The following NRXN3 variants were observed in gnomAD, a reference collection of about 807,000 sequenced individuals.
The protein encoded by NRXN3 is neurexin III.
In NRXN3, 32 loss-of-function variants were observed where a neutral mutation model predicts 137.6. The observed-to-expected ratio is 0.23, with a 90% CI of 0.18 to 0.31. The LOEUF is 0.31. Ranked by LOEUF, NRXN3 falls within the 10% of genes least tolerant of loss-of-function variation. NRXN3 has a pLI of 1.00. For synonymous variants in NRXN3, 798 were observed against 784.5 expected, an observed-to-expected ratio of 1.02 and a Z score of -0.29; for missense variants, 1,574 against 2,062.5, an observed-to-expected ratio of 0.76 and a Z score of 4.59.
rs559408418 is a variant in NRXN3 at position 78,216,622 on chromosome 14, A to G, written c.-703-25769A>G. Among the ~76,000 whole-genome samples the G allele has an allele frequency of 2.0e-5, 3 of 152,338 alleles. No individual in the cohort carries two copies. The South Asian group carries it at 6.2e-4, about 32-fold the overall frequency. On this transcript the variant is annotated intron_variant, in intron 1 of 20. Coordinates refer to ENST00000335750, the MANE Select transcript of NRXN3 (RefSeq NM_001330195.2). Reference sequence around the variant, plus strand: ...AGAATGAAGACCTCCCCAGCAATGCAGCGAGTTTGAAAAGGAGCATAGCTT... The same window carrying G: ...AGAATGAAGACCTCCCCAGCAATGCGGCGAGTTTGAAAAGGAGCATAGCTT...
At chr14:78,986,886 A>C (rs2153064248) in intron 14 of NRXN3, among the ~76,000 whole-genome samples, 1 of 151,898 alleles carries the variant, frequency 6.6e-6, no homozygotes, top group Non-Finnish European at 1.5e-5. Flanking sequence ...AGCTGAGTGT[A>C]GTGGCGTGTG....
chr14:78,418,309 A>G (rs1306589832), intron 4 of NRXN3, among the ~76,000 whole-genome samples: 1 of 152,090 alleles, frequency 6.6e-6, no homozygotes, highest in African/African-American at 2.4e-5. Flanking sequence ...TATTTCATTT[A>G]TGTTGGTGGA....
At chr14:78,752,974 C>T (rs1194597276) in intron 8 of NRXN3, among the ~76,000 whole-genome samples, 1 of 152,176 alleles carries the variant, frequency 6.6e-6, no homozygotes, top group Admixed American at 6.5e-5. Flanking sequence ...ACGCACACTG[C>T]AGGCTGAGGG....
chr14:79,023,804 C>T (rs1220434568), intron 15 of NRXN3, among the ~76,000 whole-genome samples: 2 of 152,106 alleles, frequency 1.3e-5, no homozygotes, highest in East Asian at 1.9e-4. Context: ...TCAGTTACCT[C>T]CCATCAGGTT....
intron 19 of NRXN3, among the ~76,000 whole-genome samples, chr14:79,718,702 A>G (rs17764475): frequency 0.11 from 17,161 of 152,184 alleles, 1,053 homozygotes; most frequent in Middle Eastern, 0.25. Flanking sequence ...AAGCCCTAAT[A>G]TCTTGCTGAT....
chr14:78,557,788 A>C (rs995024677), intron 4 of NRXN3, among the ~76,000 whole-genome samples: 1 of 152,242 alleles, frequency 6.6e-6, no homozygotes, highest in South Asian at 2.1e-4. Context: ...TCTACACTCC[A>C]GATACTTGTT....
intron 17 of NRXN3, among the ~76,000 whole-genome samples, chr14:79,689,101 T>C (rs1305600687): frequency 6.6e-6 from 1 of 152,008 alleles, no homozygotes; most frequent in Non-Finnish European, 1.5e-5. Flanking sequence ...CTTTTAATGA[T>C]ATTATGATGT....
rs1047354745 is a variant in NRXN3, at chr14:79,639,140, G to GA, written c.3445-24630dup. Among the ~76,000 whole-genome samples the GA allele has an allele frequency of 4.6e-5, 7 of 151,514 alleles. 1 individual carries two copies. The highest frequency in any genetic ancestry group is 4.2e-4 in the South Asian group (2 of 4,792). ...TGTGCACACATCCAAAGAGATAACAGAAAAAAAATCCATTTGAAATGCTTA... is the reference window on the plus strand; with the variant it reads ...TGTGCACACATCCAAAGAGATAACAGAAAAAAAAATCCATTTGAAATGCTTA... On this transcript the variant is annotated intron_variant, in intron 16 of 20. Transcript: ENST00000335750.
At chr14:78,692,807 G>A (rs759155167) in intron 6 of NRXN3, among the ~76,000 whole-genome samples, 7 of 149,602 alleles carry the variant, frequency 4.7e-5, no homozygotes, top group Non-Finnish European at 6.0e-5. Context: ...CAGGCCAGGC[G>A]CAGTGGCTCA....
At chr14:79,432,836 A>T (rs2095786026) in intron 15 of NRXN3, among the ~76,000 whole-genome samples, 1 of 152,164 alleles carries the variant, frequency 6.6e-6, no homozygotes, top group African/African-American at 2.4e-5. Context: ...CGTGTTACTG[A>T]GATGCAGACA....
intron 14 of NRXN3, among the ~76,000 whole-genome samples, chr14:78,980,914 T>G (rs1460714357): frequency 6.6e-6 from 1 of 152,220 alleles, no homozygotes; most frequent in Non-Finnish European, 1.5e-5. Flanking sequence ...GTTATTCACA[T>G]ATCAAGAGCA....
intron 15 of NRXN3, among the ~76,000 whole-genome samples, chr14:79,116,712 G>A (rs570455878): frequency 6.6e-6 from 1 of 152,298 alleles, no homozygotes; most frequent in South Asian, 2.1e-4. Context: ...GGGCAGTGAT[G>A]CCAGGAAGTC....
At chr14:78,873,252 T>C (rs1179053069) in intron 10 of NRXN3, among the ~76,000 whole-genome samples, 1 of 152,200 alleles carries the variant, frequency 6.6e-6, no homozygotes, top group African/African-American at 2.4e-5. Flanking sequence ...TGTTGACATT[T>C]CTCCTCTGCT....
intron 15 of NRXN3, among the ~76,000 whole-genome samples, chr14:79,443,537 T>C (rs1302453306): frequency 6.6e-6 from 1 of 152,120 alleles, no homozygotes; most frequent in Non-Finnish European, 1.5e-5. Flanking sequence ...TGAGAGAGAA[T>C]AGAGAAATTA....
intron 4 of NRXN3, among the ~76,000 whole-genome samples, chr14:78,446,497 T>C (rs2094424267): frequency 6.6e-6 from 1 of 152,198 alleles, no homozygotes; most frequent in Non-Finnish European, 1.5e-5. Context: ...CTTGCTATTA[T>C]AGTTAAAGTT....
intron 15 of NRXN3, among the ~76,000 whole-genome samples, chr14:79,284,081 G>C (rs113502453): frequency 6.6e-6 from 1 of 151,710 alleles, no homozygotes; most frequent in African/African-American, 2.4e-5. Context: ...AGGTAGTTTA[G>C]TGATTACAGA....
chr14:78,565,742 C>T (rs10132085), intron 4 of NRXN3, among the ~76,000 whole-genome samples: 10,843 of 152,212 alleles, frequency 0.071, 652 homozygotes, highest in African/African-American at 0.17. Flanking sequence ...GTTTGTTCTG[C>T]ATGTAGCCCT....
chr14:79,282,018 G>A (rs944685837), intron 15 of NRXN3: 16 of 151,246 alleles, frequency 1.1e-4, no homozygotes, highest in African/African-American at 1.5e-4. Context: ...TAAGGTTGGT[G>A]GAGGGGGATG....
Position 78,263,050 on chromosome 14 carries a change from C to CTTT in NRXN3, c.710-15588_710-15586dup, listed in dbSNP as rs4019969. The stretch of plus-strand genomic sequence containing the variant: ...ATGTAGTACATTTTTGGTGAAGTCA[C>CTTT]TTTTTTTTTAGTTTATGGGATATGC... On this transcript the variant is annotated intron_variant, in intron 2 of 20. Coordinates refer to ENST00000335750, the MANE Select transcript of NRXN3 (RefSeq NM_001330195.2). 7.0e-3 allele frequency among the ~76,000 whole-genome samples: 1,055 copies of CTTT among 150,794 alleles called. 6 individuals carry two copies. The highest frequency in any genetic ancestry group is 0.024 in the African/African-American group (976 of 41,222).
Sources: gnomAD v4.1 joint callset for allele counts (sites outside exome capture counted in the v4.1 genomes callset) on GRCh38, gnomAD v4.1.1 for gene constraint, MANE v1.5 for transcripts, NCBI Gene and HGNC (gene_info 2026-07-23, HGNC 2026-07-21) for gene names.